Variants in TRPC5 observed in about 807,000 individuals in gnomAD.
The protein encoded by TRPC5 is short transient receptor potential channel 5.
Under a neutral mutation model 56.5 loss-of-function variants are expected in TRPC5, and 9 were observed. That is an observed-to-expected ratio of 0.16 (90% CI 0.10 to 0.28). The LOEUF is 0.28. Ranked by LOEUF, TRPC5 falls within the 10% of genes least tolerant of loss-of-function variation. The probability of loss-of-function intolerance (pLI) is 1.00; values close to 1 mark genes in which losing one functional copy is unlikely to be tolerated. For synonymous variants in TRPC5, 282 were observed against 278.5 expected (o/e 1.01, Z -0.13); for missense variants, 469 against 748.9 (o/e 0.63, Z 4.36).
chrX:111,893,057 G>A (rs924478628), intron 3 of TRPC5, among the ~76,000 whole-genome samples: 2 of 106,433 alleles, frequency 1.9e-5, no homozygotes, highest in South Asian at 4.1e-4. Flanking sequence ...AGTAAGTGGT[G>A]AAGTTGAAAT....
chrX:112,062,556 G>T (rs1209424885), intron 1 of TRPC5, among the ~76,000 whole-genome samples: 1 of 111,895 alleles, frequency 8.9e-6, no homozygotes, highest in Non-Finnish European at 1.9e-5. Flanking sequence ...GGATCTCAAA[G>T]GATAGATAAT....
intron 7 of TRPC5, among the ~76,000 whole-genome samples, chrX:111,795,899 CT>C: frequency 9.1e-6 from 1 of 109,946 alleles, no homozygotes; most frequent in East Asian, 2.9e-4. Flanking sequence ...TTTCTTCACC[CT>C]TTTTTCTTTC....
chrX:111,803,011 C>A (rs907113674), intron 7 of TRPC5, among the ~76,000 whole-genome samples: 1 of 110,769 alleles, frequency 9.0e-6, no homozygotes, highest in Non-Finnish European at 1.9e-5. Flanking sequence ...GCTATCCCTC[C>A]CCCAGCCCTC....
chrX:111,911,602 T>G (rs1925819253), intron 3 of TRPC5, among the ~76,000 whole-genome samples: 1 of 112,139 alleles, frequency 8.9e-6, no homozygotes, highest in Non-Finnish European at 1.9e-5. Context: ...TTGTAAATCT[T>G]CCCTAACTGG....
At chrX:111,787,731 A>G (rs1360526176) in intron 7 of TRPC5, among the ~76,000 whole-genome samples, 1 of 111,845 alleles carries the variant, frequency 8.9e-6, no homozygotes, top group African/African-American at 3.3e-5. Flanking sequence ...TAAAGGGGAT[A>G]TCACCACTGG....
chrX:111,917,207 A>G (rs1926002644), intron 2 of TRPC5, among the ~76,000 whole-genome samples: 2 of 112,315 alleles, frequency 1.8e-5, no homozygotes, highest in South Asian at 3.7e-4. Context: ...CATGCTACCA[A>G]TATGACATCC....
intron 7 of TRPC5, among the ~76,000 whole-genome samples, chrX:111,798,995 CG>C (rs1362566852): frequency 9.0e-6 from 1 of 111,416 alleles, no homozygotes; most frequent in Non-Finnish European, 1.9e-5. Context: ...TGGCAGCTGA[CG>C]AGTTTGCAGA....
chrX:111,956,365 G>T (rs865928183), intron 1 of TRPC5, among the ~76,000 whole-genome samples: 13 of 111,691 alleles, frequency 1.2e-4, no homozygotes, highest in Middle Eastern at 4.2e-3. Flanking sequence ...TCTCTCCAGG[G>T]CCTTTCTAAG....
intron 7 of TRPC5, among the ~76,000 whole-genome samples, chrX:111,834,011 A>G (rs905687477): frequency 2.6e-4 from 29 of 111,682 alleles, no homozygotes; most frequent in Non-Finnish European, 5.3e-4. Flanking sequence ...ACTAATGCCC[A>G]ACTAAATCAG....
At chrX:112,006,006 C>T (rs1928833930) in intron 1 of TRPC5, among the ~76,000 whole-genome samples, 1 of 111,290 alleles carries the variant, frequency 9.0e-6, no homozygotes, top group Admixed American at 9.6e-5. Context: ...AAAGCCTGAA[C>T]GTCAGTTCCC....
At chrX:111,990,450 A>T (rs1014179083) in intron 1 of TRPC5, among the ~76,000 whole-genome samples, 2 of 111,046 alleles carry the variant, frequency 1.8e-5, no homozygotes, top group African/African-American at 6.6e-5. Flanking sequence ...TGGCTTTAAG[A>T]TACAAGGAGA....
At chrX:111,976,764 G>T (rs4415491) in intron 1 of TRPC5, among the ~76,000 whole-genome samples, 3,364 of 110,689 alleles carry the variant, frequency 0.03, 128 homozygotes, top group African/African-American at 0.1. Flanking sequence ...AAAACTGTTA[G>T]CACTAATAAA....
intron 1 of TRPC5, among the ~76,000 whole-genome samples, chrX:112,014,857 G>A (rs1929081217): frequency 1.8e-5 from 2 of 111,378 alleles, no homozygotes; most frequent in South Asian, 7.6e-4. Context: ...TACCTGGGTA[G>A]CTTTGAAAAA....
At chrX:111,858,324 C>T (rs1193699942) in intron 3 of TRPC5, among the ~76,000 whole-genome samples, 1 of 111,124 alleles carries the variant, frequency 9.0e-6, no homozygotes, top group South Asian at 3.8e-4. Context: ...TGCACAAAAA[C>T]CCGAACTGTC....
chrX:111,804,537 G>T (rs1015870275), intron 7 of TRPC5, among the ~76,000 whole-genome samples: 62 of 111,393 alleles, frequency 5.6e-4, no homozygotes, highest in Non-Finnish European at 9.4e-4. Flanking sequence ...TTGAGCAGTG[G>T]TTTGTAGTTC....
chrX:111,836,752 G>A (rs779889981), intron 6 of TRPC5, among the ~76,000 whole-genome samples: 2 of 112,357 alleles, frequency 1.8e-5, no homozygotes, highest in Non-Finnish European at 3.8e-5. Context: ...GCACATAATA[G>A]GGACTAAATG....
intron 7 of TRPC5, among the ~76,000 whole-genome samples, chrX:111,805,196 G>A (rs1290001913): frequency 8.9e-6 from 1 of 112,070 alleles, no homozygotes; most frequent in Non-Finnish European, 1.9e-5. Flanking sequence ...TCCCAGGGGT[G>A]AAGCCAACTT....
chrX:111,875,663 T>C (rs898028836), intron 3 of TRPC5, among the ~76,000 whole-genome samples: 5 of 106,524 alleles, frequency 4.7e-5, no homozygotes, highest in Admixed American at 1.0e-4. Flanking sequence ...ATTAATGTGA[T>C]GTTTTCTTAA....
chrX:112,015,475 T>C, intron 1 of TRPC5, among the ~76,000 whole-genome samples: 1 of 111,133 alleles, frequency 9.0e-6, no homozygotes, highest in Non-Finnish European at 1.9e-5. Context: ...CACCTTGGCC[T>C]CTCAAAACGT....
Sources: gnomAD v4.1 joint callset for allele counts (sites outside exome capture counted in the v4.1 genomes callset) on GRCh38, gnomAD v4.1.1 for gene constraint, MANE v1.5 for transcripts, NCBI Gene and HGNC (gene_info 2026-07-23, HGNC 2026-07-21) for gene names.